The following TRRAP variants were observed in gnomAD, a reference collection of about 807,000 sequenced individuals.
TRRAP encodes the protein transformation/transcription domain-associated protein.
In TRRAP, 41 loss-of-function variants were observed where a neutral mutation model predicts 438.8. The observed-to-expected ratio is 0.09, with a 90% confidence interval of 0.07 to 0.12. TRRAP has a LOEUF of 0.12. Among genes scored for constraint, TRRAP ranks in the 10% least tolerant of loss-of-function variants. TRRAP has a pLI of 1.00. For synonymous variants in TRRAP, 1,994 were observed against 1,962.9 expected (o/e 1.02, Z -0.42); for missense variants, 3,122 against 5,055.1 (o/e 0.62, Z 11.60).
In TRRAP at chr7:98,912,350, T is replaced by G. The variant is rs567787647; in HGVS notation, c.2199+137T>G. The G allele has an allele frequency of 3.9e-5, 33 of 838,178 alleles. 2 individuals are homozygous for G. The Admixed American group carries it at 6.6e-4, about 17-fold the overall frequency. The allele number at this position is 838,178 out of a possible 1,614,324, so 51.9% of individuals were successfully genotyped here. A position where few individuals can be genotyped will look rare whatever the true frequency, so the allele number is the denominator to read the frequency against. Reference sequence around the variant, plus strand: ...CACCTGCCTTGATCTCCCCAGTTTTTGGGACTATAGGCACTCACCACTGTG... The same window carrying G: ...CACCTGCCTTGATCTCCCCAGTTTTGGGGACTATAGGCACTCACCACTGTG... On this transcript the variant is annotated intron_variant, in intron 18 of 72. Transcript: ENST00000456197.
At chr7:98,959,828 C>T (rs1164183442) in intron 45 of TRRAP, among the ~76,000 whole-genome samples, 1 of 150,996 alleles carries the variant, frequency 6.6e-6, no homozygotes, top group Non-Finnish European at 1.5e-5. Flanking sequence ...CTTAGAAGAG[C>T]CTAAAGCAGG....
At chr7:98,958,331 C>T (rs111981334) in intron 44 of TRRAP, among the ~76,000 whole-genome samples, 1,712 of 151,366 alleles carry the variant, frequency 0.011, 19 homozygotes, top group Non-Finnish European at 0.015. Context: ...GAGATGGAGT[C>T]TCGCTTTGTT....
chr7:98,944,240 T>C (rs1237477959), intron 31 of TRRAP, among the ~76,000 whole-genome samples: 1 of 152,138 alleles, frequency 6.6e-6, no homozygotes, highest in Non-Finnish European at 1.5e-5. Context: ...TATAGTAAGC[T>C]ATTAATTTTC....
At position 98,963,919 on chromosome 7, in the gene TRRAP, A is replaced by G. The variant is rs561812432; in HGVS notation, c.6830-710A>G. ...AACATGGTGAAACCCCGTCTCTACT[A>G]AAAATACAAAAATTAGCCGGGCGTG... is the stretch of plus-strand genomic sequence containing the variant. On this transcript the variant is annotated intron_variant, in intron 47 of 72. Coordinates refer to ENST00000456197, the MANE Select transcript of TRRAP (RefSeq NM_001375524.1). 2.0e-5 allele frequency among the ~76,000 whole-genome samples: 3 copies of G among 152,102 alleles called. No individual in the cohort carries two copies. In the East Asian group the frequency reaches 5.8e-4, roughly 29 times the overall value.
At chr7:98,881,561 G>C in intron 2 of TRRAP, 1 of 223,294 alleles carries the variant, frequency 4.5e-6, no homozygotes, top group Non-Finnish European at 8.2e-6. Context: ...GACAGAGCGA[G>C]ACTCCCTCTC....
rs566341287 is a variant in TRRAP, at chr7:98,932,674, A to G, written c.3853-567A>G. 3.2e-4 allele frequency among the ~76,000 whole-genome samples: 49 copies of G among 152,346 alleles called. No individual in the cohort carries two copies. The South Asian group carries it at 9.3e-3, about 29-fold the overall frequency. On this transcript the variant is annotated intron_variant, in intron 26 of 72. Transcript: ENST00000456197. Reference sequence around the variant, plus strand: ...TTTTTATGGGTACATGAAAATTTGTATAATCTCCCATATACTTTAAATTAG... The same window carrying G: ...TTTTTATGGGTACATGAAAATTTGTGTAATCTCCCATATACTTTAAATTAG...
At chr7:98,905,772 A>G (rs141725605) in intron 12 of TRRAP, among the ~76,000 whole-genome samples, 172 of 152,330 alleles carry the variant, frequency 1.1e-3, no homozygotes, top group Non-Finnish European at 2.0e-3. Flanking sequence ...GGTCTTCTCA[A>G]TATGCTTCAG....
intron 14 of TRRAP, 84 bp from the exon 15 acceptor site, chr7:98,909,972 C>G: frequency 1.4e-6 from 2 of 1,475,278 alleles, no homozygotes; most frequent in Non-Finnish European, 1.8e-6. Flanking sequence ...TCAGTCCCAT[C>G]TTATTTTACT....
At chr7:98,947,836 T>C (rs1554417251) in intron 33 of TRRAP, among the ~76,000 whole-genome samples, 2 of 152,210 alleles carry the variant, frequency 1.3e-5, no homozygotes, top group Non-Finnish European at 2.9e-5. Flanking sequence ...CTTGGCAAAG[T>C]AGGGCATCCT....
In TRRAP at chr7:98,955,095, T is replaced by G. The variant is rs781798752; in HGVS notation, c.5731-3T>G. ...CTCCATAAACGTCTCTTCCCTGTTT[T>G]AGGTTTTTCATAGTCTCCTCAAGGC... On this transcript the variant is annotated splice_polypyrimidine_tract_variant and splice_region_variant and intron_variant, in intron 40 of 72. Transcript: ENST00000456197. 6.2e-7 allele frequency: 1 copy of G among 1,610,580 alleles called. No homozygotes were observed. The highest frequency in any genetic ancestry group is 2.2e-5 in the East Asian group (1 of 44,742).
At chr7:98,992,306 G>T (rs7783504) in intron 65 of TRRAP, 79 bp downstream of exon 65, 2 of 1,454,862 alleles carry the variant, frequency 1.4e-6, no homozygotes, top group Non-Finnish European at 1.9e-6. Flanking sequence ...ACAGACCACC[G>T]CAGCCACCCC....
Position 99,005,220 on chromosome 7 carries a change from A to G in TRRAP, c.10625A>G (p.Tyr3542Cys). Residue 3542 changes from tyrosine to cysteine, a missense_variant, in exon 69 of 73, where the codon TAC becomes TGC. Tyr to Cys is a radical substitution (Grantham distance 194). This residue lies in a region of TRRAP where 95 missense variants were observed against 144.1 expected (regional missense o/e 0.66). Transcript: ENST00000456197. This position sits in a 1 kb window ranked among gnomAD's most constrained non-coding sequence, Gnocchi z 5.1. ...IRGHNGKIYP[Y>C]LVMNDACLTE... ...GGACACAATGGCAAGATCTACCCAT[A>G]CCTCGTCATGAACGACGCCTGCCTC... The G allele has an allele frequency of 6.2e-7, 1 of 1,614,108 alleles. No homozygotes were observed. Among genetic ancestry groups the G allele is most frequent in the Non-Finnish European group, 8.5e-7 (1 of 1,180,040 alleles).
chr7:98,955,089 C>T lies in TRRAP; in HGVS notation c.5731-9C>T, dbSNP rs782547244. Reference sequence around the variant, plus strand: ...CTCATCCTCCATAAACGTCTCTTCCCTGTTTTAGGTTTTTCATAGTCTCCT... The same window carrying T: ...CTCATCCTCCATAAACGTCTCTTCCTTGTTTTAGGTTTTTCATAGTCTCCT... On this transcript the variant is annotated splice_polypyrimidine_tract_variant and intron_variant, in intron 40 of 72. Transcript: ENST00000456197. 1.9e-6 allele frequency: 3 copies of T among 1,606,432 alleles called. No homozygotes were observed. In the South Asian group the frequency reaches 3.3e-5, roughly 18 times the overall value.
chr7:98,995,393 G>A (rs961121313), intron 67 of TRRAP, among the ~76,000 whole-genome samples: 5 of 152,016 alleles, frequency 3.3e-5, no homozygotes, highest in African/African-American at 1.2e-4. Context: ...GGGAGATGGC[G>A]CCGGGTGAGC....
intron 8 of TRRAP, 64 bp downstream of exon 8, chr7:98,897,930 A>C: frequency 6.3e-7 from 1 of 1,594,590 alleles, no homozygotes; most frequent in South Asian, 1.1e-5. Context: ...GGCCTGTTAA[A>C]CCATTTTTTT....
intron 3 of TRRAP, among the ~76,000 whole-genome samples, chr7:98,890,052 A>G (rs1554404595): frequency 6.6e-6 from 1 of 152,176 alleles, no homozygotes; most frequent in East Asian, 1.9e-4. Flanking sequence ...TCATACTTAG[A>G]TCGTGGCAGA....
At chr7:98,888,743 C>T (rs1795829098) in intron 3 of TRRAP, among the ~76,000 whole-genome samples, 1 of 152,140 alleles carries the variant, frequency 6.6e-6, no homozygotes, top group Non-Finnish European at 1.5e-5. Flanking sequence ...GGAAGGTGTC[C>T]TCCGCCCTTG....
chr7:98,971,895 A>G lies in TRRAP; in HGVS notation c.7789A>G (p.Met2597Val). The G allele has an allele frequency of 2.5e-6, 4 of 1,614,258 alleles. No homozygotes were observed. The highest frequency in any genetic ancestry group is 1.1e-5 in the South Asian group (1 of 91,088). ...SEKDIGNQLH[M>V]LTNRHDKFLD... Reference sequence around the variant, plus strand: ...AAAGGACATTGGAAACCAGCTGCACATGCTAACCAACAGGCACGACAAGTT... The same window carrying G: ...AAAGGACATTGGAAACCAGCTGCACGTGCTAACCAACAGGCACGACAAGTT... The change falls in exon 53 of 73, where the codon ATG (methionine) becomes GTG (valine). Residue 2597 changes from methionine to valine, a missense_variant. Met to Val is a conservative substitution (Grantham distance 21). This residue lies in a region of TRRAP where 992 missense variants were observed against 1,281.2 expected (regional missense o/e 0.77). Coordinates refer to ENST00000456197, the MANE Select transcript of TRRAP (RefSeq NM_001375524.1).
chr7:98,918,344 T>C (rs1342850503), intron 20 of TRRAP, among the ~76,000 whole-genome samples: 1 of 150,800 alleles, frequency 6.6e-6, no homozygotes, highest in African/African-American at 2.4e-5. Context: ...AATTCTTCTG[T>C]CTCAGCCTCC....
Sources: allele counts gnomAD v4.1 joint callset (sites outside exome capture counted in the v4.1 genomes callset), GRCh38; gene constraint gnomAD v4.1.1; regional missense constraint gnomAD v4.1.1; non-coding constraint Gnocchi (gnomAD v3.1); transcripts MANE v1.5; gene names NCBI Gene and HGNC (gene_info 2026-07-23, HGNC 2026-07-21).